Variants in SMO observed in about 807,000 individuals in gnomAD.
SMO encodes smoothened, frizzled class receptor.
In SMO, 40 loss-of-function variants were observed where a neutral mutation model predicts 81.6. The observed-to-expected ratio is 0.49, with a 90% CI of 0.38 to 0.64. The LOEUF (loss-of-function observed/expected upper bound fraction) is 0.64. Among genes scored for constraint, SMO ranks in the 30% least tolerant of loss-of-function variants. SMO has a pLI of 0.00. For missense variants in SMO, 916 were observed against 1,061.1 expected (o/e 0.86, Z 1.90); for synonymous variants, 434 against 432.1 (o/e 1.00, Z -0.05).
rs763119423 is a variant in SMO, at chr7:129,208,930, G to A, written c.1357+79G>A. The A allele has an allele frequency of 5.6e-5, 54 of 971,546 alleles. No individual in the cohort carries two copies. Among genetic ancestry groups the A allele is most frequent in the Non-Finnish European group, 8.1e-5 (50 of 617,264 alleles). The allele number at this position is 971,546 out of a possible 1,614,324, so 60.2% of individuals were successfully genotyped here. On this transcript the variant is annotated intron_variant, in intron 7 of 11. Transcript: ENST00000249373. This position sits in a 1 kb window ranked among gnomAD's most constrained non-coding sequence, Gnocchi z 5.2. ...CCCTCCTGGGGCTATGCGACCGGCA[G>A]GATGCAGTAAGTCAGTGGGACAAGT...
chr7:129,198,555 C>A (rs981751165), intron 1 of SMO, among the ~76,000 whole-genome samples: 2 of 152,202 alleles, frequency 1.3e-5, no homozygotes, highest in Non-Finnish European at 1.5e-5. Context: ...CTGTCATGCA[C>A]CCCAGAAGGA....
In SMO at chr7:129,203,465, G is replaced by C. The variant is rs752289293; in HGVS notation, c.413G>C (p.Arg138Pro). ...AVYMPKCEND[R>P]VELPSRTLCQ... ...TACATGCCCAAGTGTGAGAATGACCGGGTGGAGCTGCCCAGCCGTACCCTC... is the reference window on the plus strand; with the variant it reads ...TACATGCCCAAGTGTGAGAATGACCCGGTGGAGCTGCCCAGCCGTACCCTC... The change falls in exon 2 of 12, where the codon CGG (arginine) becomes CCG (proline). Residue 138 changes from arginine (R) to proline (P), a missense_variant. By Grantham distance (103) the Arg-to-Pro change is moderately radical. This residue lies in a region of SMO where 436 missense variants were observed against 570.9 expected (regional missense o/e 0.76). Transcript: ENST00000249373. The C allele has an allele frequency of 6.3e-7, 1 of 1,586,864 alleles. No homozygotes were observed. The highest frequency in any genetic ancestry group is 8.6e-7 in the Non-Finnish European group (1 of 1,166,666).
intron 8 of SMO, chr7:129,209,674 C>G (rs955635035): frequency 5.0e-6 from 2 of 398,972 alleles, no homozygotes; most frequent in African/African-American, 4.0e-5. Flanking sequence ...TCAGCTTCGT[C>G]TTCTCTGACT....
At chr7:129,200,723 GT>G (rs566913947) in intron 1 of SMO, among the ~76,000 whole-genome samples, 1 of 151,488 alleles carries the variant, frequency 6.6e-6, no homozygotes, top group Non-Finnish European at 1.5e-5. Flanking sequence ...AAAAATTACA[GT>G]TTTTTTTTTG....
intron 1 of SMO, among the ~76,000 whole-genome samples, chr7:129,196,200 G>C (rs1793576011): frequency 6.6e-6 from 1 of 151,508 alleles, no homozygotes; most frequent in Non-Finnish European, 1.5e-5. Flanking sequence ...ATTTTAGTTA[G>C]GTGTAATTTT....
Position 129,212,118 on chromosome 7 carries a change from G to A in SMO, c.2031G>A (p.Lys677=), listed in dbSNP as rs1179013530. ...KRLGRKKKRR[K]RKKEVCPLAP... is the part of the protein sequence containing the mutation. Reference sequence around the variant, plus strand: ...TGGGCCGGAAGAAGAAGAGGAGGAAGAGGAAGAAGGAGGTGTGCCCGCTGG... The same window carrying A: ...TGGGCCGGAAGAAGAAGAGGAGGAAAAGGAAGAAGGAGGTGTGCCCGCTGG... Residue 677 remains lysine, a synonymous_variant, in exon 12 of 12, where the codon AAG becomes AAA. Transcript: ENST00000249373. The surrounding 1 kb of genome is among the most constrained non-coding windows in gnomAD (Gnocchi z 5.0). The A allele has an allele frequency of 1.9e-6, 3 of 1,567,214 alleles. No homozygotes were observed. Among genetic ancestry groups the A allele is most frequent in the African/African-American group, 2.7e-5 (2 of 73,764 alleles).
At position 129,211,216 on chromosome 7, in the gene SMO, C is replaced by A; in HGVS notation, c.1801+103C>A. 2 of 1,274,912 alleles carry A rather than the reference C, an allele frequency of 1.6e-6. No individual in the cohort carries two copies. The highest frequency in any genetic ancestry group is 2.2e-6 in the Non-Finnish European group (2 of 904,052). 79.0% of individuals were successfully genotyped at this position (1,274,912 alleles called of 1,614,324 possible). ...GCACACAGATTATTTGGAAGACCGA[C>A]TGTGAGGAGCAAGGCGCTCCCTCCA... On this transcript the variant is annotated intron_variant, in intron 10 of 11. Coordinates refer to ENST00000249373, the MANE Select transcript of SMO (RefSeq NM_005631.5). The surrounding 1 kb of genome is among the most constrained non-coding windows in gnomAD (Gnocchi z 4.6).
intron 1 of SMO, among the ~76,000 whole-genome samples, chr7:129,194,765 T>C (rs1473617941): frequency 6.6e-6 from 1 of 152,178 alleles, no homozygotes; most frequent in Admixed American, 6.6e-5. Context: ...GCAGCTTATT[T>C]CTTTTTTGCT....
rs370269599 is a variant in SMO at position 129,206,630 on chromosome 7, A to G, written c.1264+43A>G. 6.2e-7 allele frequency: 1 copy of G among 1,603,530 alleles called. No individual in the cohort carries two copies. Among genetic ancestry groups the G allele is most frequent in the East Asian group, 2.2e-5 (1 of 44,752 alleles). ...CAGGACCAGTTGGGCAACAAAATATACTGGGCACTTGCTGCCAGTACTGGG... is the reference window on the plus strand; with the variant it reads ...CAGGACCAGTTGGGCAACAAAATATGCTGGGCACTTGCTGCCAGTACTGGG... On this transcript the variant is annotated intron_variant, in intron 6 of 11. Coordinates refer to ENST00000249373, the MANE Select transcript of SMO (RefSeq NM_005631.5). This position sits in a 1 kb window ranked among gnomAD's most constrained non-coding sequence, Gnocchi z 4.4.
Position 129,205,261 on chromosome 7 carries a change from G to T in SMO, c.596G>T (p.Arg199Leu), listed in dbSNP as rs759466401. ...GGCCAGTGCGAAGTGCCCTTGGTTC[G>T]GACAGACAACCCCAAGAGCTGGTAC... ...SSGQCEVPLVRTDNPKSWYED... is the reference protein window; with the variant it reads ...SSGQCEVPLVLTDNPKSWYED... Residue 199 changes from arginine to leucine, a missense_variant, in exon 3 of 12, where the codon CGG (arginine) becomes CTG (leucine). Physicochemically the swap from Arg to Leu is moderately radical, Grantham distance 102. Coordinates refer to ENST00000249373, the MANE Select transcript of SMO (RefSeq NM_005631.5). 2.5e-6 allele frequency: 4 copies of T among 1,614,194 alleles called. No homozygotes were observed. The highest frequency in any genetic ancestry group is 3.4e-6 in the Non-Finnish European group (4 of 1,180,040).
Position 129,209,460 on chromosome 7 carries a change from C to T in SMO, c.1466+63C>T, listed in dbSNP as rs532114877. ...GGAGCCAAGGCCATAAAGACACCCA[C>T]CTCCACCCACCGGGCAGCAGGGATT... On this transcript the variant is annotated intron_variant, in intron 8 of 11. Coordinates refer to ENST00000249373, the MANE Select transcript of SMO (RefSeq NM_005631.5). 2.8e-4 allele frequency: 285 copies of T among 1,029,940 alleles called. 2 individuals are homozygous for T. The African/African-American group carries it at 3.8e-3, about 14-fold the overall frequency. The allele number at this position is 1,029,940 out of a possible 1,614,324, so 63.8% of individuals were successfully genotyped here. A position where few individuals can be genotyped will look rare whatever the true frequency, so the allele number is the denominator to read the frequency against.
rs1434144145 is a variant in SMO, at chr7:129,212,304, A to G, written c.2217A>G (p.Pro739=). ...AWTLVSNPFC[P]EPSPPQDPFL... ...CCCTGGTCTCCAACCCATTCTGCCCAGAGCCCAGTCCCCCTCAGGATCCAT... is the reference window on the plus strand; with the variant it reads ...CCCTGGTCTCCAACCCATTCTGCCCGGAGCCCAGTCCCCCTCAGGATCCAT... The change falls in exon 12 of 12, where the codon CCA becomes CCG. Residue 739 remains proline (P), a synonymous_variant. Transcript: ENST00000249373. The surrounding 1 kb of genome is among the most constrained non-coding windows in gnomAD (Gnocchi z 5.0). The G allele has an allele frequency of 6.2e-7, 1 of 1,614,132 alleles. No individual in the cohort carries two copies. The highest frequency in any genetic ancestry group is 8.5e-7 in the Non-Finnish European group (1 of 1,180,006).
Position 129,208,154 on chromosome 7 carries a change from C to T in SMO, c.1265-605C>T, listed in dbSNP as rs1379651252. 6.6e-6 allele frequency among the ~76,000 whole-genome samples: 1 copy of T among 151,832 alleles called. No individual in the cohort carries two copies. The highest frequency in any genetic ancestry group is 1.5e-5 in the Non-Finnish European group (1 of 67,998). The stretch of plus-strand genomic sequence containing the variant: ...AGAAATTTGCCATATGTATGTGGCT[C>T]ACATATTTCTATGGGAAGGCCGGCA... On this transcript the variant is annotated intron_variant, in intron 6 of 11. Coordinates refer to ENST00000249373, the MANE Select transcript of SMO (RefSeq NM_005631.5). This position sits in a 1 kb window ranked among gnomAD's most constrained non-coding sequence, Gnocchi z 5.2.
intron 1 of SMO, among the ~76,000 whole-genome samples, chr7:129,197,453 G>A (rs62480578): frequency 0.49 from 74,257 of 151,564 alleles, 18,591 homozygotes; most frequent in Non-Finnish European, 0.55. Context: ...TTTTGGAGAC[G>A]AAGTGTCACT....
In SMO at chr7:129,203,636, A is replaced by G. The variant is rs1171512045; in HGVS notation, c.537+47A>G. 4 of 1,494,042 alleles carry G rather than the reference A, an allele frequency of 2.7e-6. No homozygotes were observed. In the African/African-American group the frequency reaches 4.1e-5, roughly 15 times the overall value. 92.5% of individuals were successfully genotyped at this position (1,494,042 alleles called of 1,614,324 possible). ...GTCCAGGCTCTCTGGGTTGGGCAGG[A>G]CCGGGTATAGGGCAGGGTCCAGTGG... On this transcript the variant is annotated intron_variant, in intron 2 of 11. Transcript: ENST00000249373.
Position 129,206,695 on chromosome 7 carries a change from A to G in SMO, c.1264+108A>G, listed in dbSNP as rs1205174422. 2 of 1,181,496 alleles carry G rather than the reference A, an allele frequency of 1.7e-6. No homozygotes were observed. The highest frequency in any genetic ancestry group is 3.5e-5 in the African/African-American group (2 of 56,864). The allele number at this position is 1,181,496 out of a possible 1,614,324, so 73.2% of individuals were successfully genotyped here. A position where few individuals can be genotyped will look rare whatever the true frequency, so the allele number is the denominator to read the frequency against. ...CTGCCCCCATGCTGAAACCCCAGCTAGCTCCTATAGGGCCTTCACACAGTA... is the reference window on the plus strand; with the variant it reads ...CTGCCCCCATGCTGAAACCCCAGCTGGCTCCTATAGGGCCTTCACACAGTA... On this transcript the variant is annotated intron_variant, in intron 6 of 11. Transcript: ENST00000249373. This position sits in a 1 kb window ranked among gnomAD's most constrained non-coding sequence, Gnocchi z 4.4.
chr7:129,197,190 A>T (rs1267462475), intron 1 of SMO, among the ~76,000 whole-genome samples: 1 of 152,010 alleles, frequency 6.6e-6, no homozygotes, highest in African/African-American at 2.4e-5. Flanking sequence ...TCCAAGTCTT[A>T]TACCTTTTAT....
At chr7:129,204,848 T>TACTA (rs1554461667) in intron 2 of SMO, among the ~76,000 whole-genome samples, 2 of 149,974 alleles carry the variant, frequency 1.3e-5, no homozygotes, top group African/African-American at 4.9e-5. Flanking sequence ...AAACCCCGTC[T>TACTA]AAAATACAAA....
intron 1 of SMO, among the ~76,000 whole-genome samples, chr7:129,200,726 T>A (rs1029094473): frequency 2.9e-5 from 4 of 139,274 alleles, no homozygotes; most frequent in Non-Finnish European, 6.5e-5. Flanking sequence ...AATTACAGTT[T>A]TTTTTTTGTT....
Sources: gnomAD v4.1 joint callset for allele counts (sites outside exome capture counted in the v4.1 genomes callset) on GRCh38, gnomAD v4.1.1 for gene constraint, gnomAD v4.1.1 regional missense constraint, Gnocchi (gnomAD v3.1) non-coding constraint, MANE v1.5 for transcripts, NCBI Gene and HGNC (gene_info 2026-07-23, HGNC 2026-07-21) for gene names.